The following SCIN variants were observed in gnomAD, a reference collection of about 807,000 sequenced individuals.
SCIN encodes the protein scinderin.
In SCIN, 91 loss-of-function variants were observed where a neutral mutation model predicts 91.8. The ratio of observed to expected loss-of-function variants is 0.99; its 90% CI spans 0.84 to 1.18. The LOEUF (loss-of-function observed/expected upper bound fraction) is 1.18. Among genes scored for constraint, SCIN ranks in the 50% most tolerant of loss-of-function variants. The pLI is 0.00. For missense variants in SCIN, 1,087 were observed against 863.9 expected (o/e 1.26, Z -3.24); for synonymous variants, 367 against 312.6 (o/e 1.17, Z -1.84).
At chr7:12,620,649 C>T (rs932702265) in intron 4 of SCIN, among the ~76,000 whole-genome samples, 2 of 151,948 alleles carry the variant, frequency 1.3e-5, no homozygotes, top group African/African-American at 4.8e-5. Flanking sequence ...ATAATAATGA[C>T]TAAGTGGGTA....
Position 12,570,723 on chromosome 7 carries a change from T to G in SCIN, c.-64T>G. ...TGGCGGCGAATAAGGTTCCTCCTGC[T>G]GCTCTCGGTTTAGTCCAAGATCAGC... On this transcript the variant is annotated 5_prime_UTR_variant, in exon 1 of 16. Transcript: ENST00000297029. The G allele has an allele frequency of 6.6e-7, 1 of 1,524,240 alleles. No individual in the cohort carries two copies. The allele number at this position is 1,524,240 out of a possible 1,614,324, so 94.4% of individuals were successfully genotyped here.
At chr7:12,652,145 CTT>C (rs909436510) in intron 15 of SCIN, among the ~76,000 whole-genome samples, 12 of 152,270 alleles carry the variant, frequency 7.9e-5, no homozygotes, top group South Asian at 6.2e-4. Context: ...AATCTGAAAA[CTT>C]AAATTAATTT....
At chr7:12,629,319 A>C (rs1324054576) in intron 9 of SCIN, 97 bp downstream of exon 9, 1 of 1,174,190 alleles carries the variant, frequency 8.5e-7, no homozygotes, top group Non-Finnish European at 1.2e-6. Flanking sequence ...TAATCCTATA[A>C]TCATCCCAGT....
intron 4 of SCIN, among the ~76,000 whole-genome samples, chr7:12,618,604 C>T (rs754932855): frequency 3.3e-5 from 5 of 152,126 alleles, no homozygotes; most frequent in South Asian, 2.1e-4. Flanking sequence ...ACAGCTTTCT[C>T]GGAATAACTG....
intron 4 of SCIN, among the ~76,000 whole-genome samples, chr7:12,613,006 A>G (rs905887243): frequency 1.3e-5 from 2 of 152,136 alleles, no homozygotes; most frequent in African/African-American, 4.8e-5. Context: ...GAAGTGAGGG[A>G]ATATCAATAG....
intron 4 of SCIN, among the ~76,000 whole-genome samples, chr7:12,621,206 C>G (rs1783400639): frequency 1.3e-5 from 2 of 152,048 alleles, no homozygotes; most frequent in African/African-American, 4.8e-5. Context: ...TTTATATACC[C>G]CAGTGACCTC....
rs1157463426 is a variant in SCIN, at chr7:12,618,475, C to T, written c.667-4326C>T. Among the ~76,000 whole-genome samples the T allele has an allele frequency of 2.0e-5, 3 of 152,242 alleles. No homozygotes were observed. In the East Asian group the frequency reaches 5.8e-4, roughly 29 times the overall value. ...CCATTCTTTAATATATGAAATCACC[C>T]TCTATTTTACTTATGAATAAAGGAA... On this transcript the variant is annotated intron_variant, in intron 4 of 15. Transcript: ENST00000297029.
intron 9 of SCIN, 128 bp downstream of exon 9, chr7:12,629,350 A>G (rs1020776745): frequency 1.3e-5 from 11 of 851,372 alleles, no homozygotes; most frequent in African/African-American, 1.0e-4. Context: ...TAGCATGCAT[A>G]TAGTATTTTC....
intron 9 of SCIN, among the ~76,000 whole-genome samples, chr7:12,634,195 T>C (rs950955697): frequency 2.0e-5 from 3 of 152,122 alleles, no homozygotes; most frequent in Non-Finnish European, 4.4e-5. Context: ...GCAAAAGTAA[T>C]TGTAGGTAGG....
At chr7:12,596,679 C>T (rs1455875831) in intron 3 of SCIN, among the ~76,000 whole-genome samples, 1 of 96,532 alleles carries the variant, frequency 1.0e-5, no homozygotes, top group Non-Finnish European at 2.1e-5. Flanking sequence ...TAAAGTATGA[C>T]TGTAAGCTTT....
At chr7:12,638,896 A>G (rs1783804172) in intron 10 of SCIN, among the ~76,000 whole-genome samples, 2 of 152,342 alleles carry the variant, frequency 1.3e-5, no homozygotes, top group South Asian at 4.1e-4. Flanking sequence ...TACTTACCAA[A>G]CTATTAAAAA....
Position 12,651,284 on chromosome 7 carries a change from G to A in SCIN, c.1960-557G>A, listed in dbSNP as rs893618404. Among the ~76,000 whole-genome samples the A allele has an allele frequency of 6.6e-6, 1 of 152,138 alleles. No homozygotes were observed. Among genetic ancestry groups the A allele is most frequent in the Non-Finnish European group, 1.5e-5 (1 of 68,030 alleles). On this transcript the variant is annotated intron_variant, in intron 14 of 15. Transcript: ENST00000297029. This position sits in a 1 kb window ranked among gnomAD's most constrained non-coding sequence, Gnocchi z 5.9. Reference sequence around the variant, plus strand: ...ATGTTTCTTTCAGACCTTTAAGAGTGTGATACTCTCAGTTAATCTTCCCTA... The same window carrying A: ...ATGTTTCTTTCAGACCTTTAAGAGTATGATACTCTCAGTTAATCTTCCCTA...
In SCIN at chr7:12,644,676, G is replaced by A. The variant is rs746741750; in HGVS notation, c.1852G>A (p.Gly618Ser). 1.1e-5 allele frequency: 17 copies of A among 1,580,620 alleles called. No individual in the cohort carries two copies. Among genetic ancestry groups the A allele is most frequent in the South Asian group, 5.8e-5 (5 of 86,568 alleles). ...QAEDHPPRLY[G>S]CSNKTGRFVI... Reference sequence around the variant, plus strand: ...TGAAGACCATCCACCTCGGCTTTACGGCTGCTCTAACAAAACTGGAAGATT... The same window carrying A: ...TGAAGACCATCCACCTCGGCTTTACAGCTGCTCTAACAAAACTGGAAGATT... Residue 618 changes from glycine (G) to serine (S), a missense_variant, in exon 13 of 16, where the codon GGC (glycine) becomes AGC (serine). Gly to Ser is a moderately conservative substitution (Grantham distance 56). Coordinates refer to ENST00000297029, the MANE Select transcript of SCIN (RefSeq NM_001112706.3).
chr7:12,571,389 G>A (rs1782268175), intron 1 of SCIN: 2 of 335,334 alleles, frequency 6.0e-6, no homozygotes, highest in Non-Finnish European at 1.2e-5. Context: ...TCCCTGTCGG[G>A]ATGGAGAGGA....
At chr7:12,580,966 C>T in intron 2 of SCIN, 94 bp from the exon 3 acceptor site, 2 of 1,304,234 alleles carry the variant, frequency 1.5e-6, no homozygotes, top group South Asian at 3.1e-5. Flanking sequence ...TTGGCACAAA[C>T]ACCAGCAGTA....
intron 2 of SCIN, among the ~76,000 whole-genome samples, chr7:12,579,098 G>A (rs1782437306): frequency 6.6e-6 from 1 of 151,718 alleles, no homozygotes; most frequent in African/African-American, 2.4e-5. Flanking sequence ...GCCCTGCCCT[G>A]TGAGCATGCT....
chr7:12,645,856 G>A (rs1254962078), intron 13 of SCIN, among the ~76,000 whole-genome samples: 1 of 152,174 alleles, frequency 6.6e-6, no homozygotes, highest in African/African-American at 2.4e-5. Flanking sequence ...AAAAGTACTA[G>A]CTACTTTACA....
At chr7:12,629,307 A>C in intron 9 of SCIN, 85 bp downstream of exon 9, 1 of 1,256,710 alleles carries the variant, frequency 8.0e-7, no homozygotes, top group Non-Finnish European at 1.1e-6. Flanking sequence ...TATGGGGTAG[A>C]ATAATCCTAT....
Position 12,624,990 on chromosome 7 carries a change from G to A in SCIN, c.760-20G>A, listed in dbSNP as rs547736277. The A allele has an allele frequency of 1.5e-5, 24 of 1,549,102 alleles. No individual in the cohort carries two copies. Among genetic ancestry groups the A allele is most frequent in the African/African-American group, 6.9e-5 (5 of 72,888 alleles). ...TATCATCCCCAAATGAAAACATGGAGGTCATGGTTTTTATATTAGGTTTCA... is the reference window on the plus strand; with the variant it reads ...TATCATCCCCAAATGAAAACATGGAAGTCATGGTTTTTATATTAGGTTTCA... On this transcript the variant is annotated intron_variant, in intron 5 of 15. Coordinates refer to ENST00000297029, the MANE Select transcript of SCIN (RefSeq NM_001112706.3).
Sources: gnomAD v4.1 joint callset for allele counts (sites outside exome capture counted in the v4.1 genomes callset) on GRCh38, gnomAD v4.1.1 for gene constraint, Gnocchi (gnomAD v3.1) non-coding constraint, MANE v1.5 for transcripts, NCBI Gene and HGNC (gene_info 2026-07-23, HGNC 2026-07-21) for gene names.